PIPOX: variants seen among roughly 807,000 people sequenced by gnomAD.
The protein encoded by PIPOX is pipecolic acid and sarcosine oxidase, also known as peroxisomal sarcosine oxidase.
A neutral mutation model predicts 47.9 loss-of-function variants in PIPOX; 45 were observed. That is an observed-to-expected ratio of 0.94 (90% CI 0.74 to 1.20). PIPOX has a LOEUF of 1.20. Among genes scored for constraint, PIPOX ranks in the 50% most tolerant of loss-of-function variants. The pLI is 0.00. For missense variants in PIPOX, 458 were observed against 498.4 expected (o/e 0.92, Z 0.77); for synonymous variants, 165 against 191.3 (o/e 0.86, Z 1.13).
At chr17:29,055,315 A>G in intron 6 of PIPOX, 94 bp downstream of exon 6, 2 of 1,422,818 alleles carry the variant, frequency 1.4e-6, no homozygotes, top group Non-Finnish European at 2.0e-6. Flanking sequence ...CGATTGTTTG[A>G]CCCCTGACAT....
intron 2 of PIPOX, among the ~76,000 whole-genome samples, chr17:29,051,765 G>A (rs75641267): frequency 0.021 from 3,152 of 152,220 alleles, 99 homozygotes; most frequent in African/African-American, 0.071. Context: ...ACCATCTATC[G>A]GTGTTTCTGC....
intron 7 of PIPOX, 115 bp downstream of exon 7, chr17:29,056,003 T>C (rs2065826498): frequency 1.6e-6 from 2 of 1,271,592 alleles, no homozygotes; most frequent in Non-Finnish European, 1.1e-6. Flanking sequence ...CTGGACATTG[T>C]AGGTATAAGG....
At chr17:29,055,977 C>A in intron 7 of PIPOX, 89 bp downstream of exon 7, 1 of 1,357,118 alleles carries the variant, frequency 7.4e-7, no homozygotes, top group Non-Finnish European at 1.1e-6. Context: ...CTTAGCTGCC[C>A]AGATAGGTGT....
rs756763409 is a variant in PIPOX, at chr17:29,055,891, G to A, written c.1042+3G>A. ...TGTCATTGGTGCTGGATTCTCTGGTGAGTCTGAGCTGGGGGGAATGGGGTG... is the reference window on the plus strand; with the variant it reads ...TGTCATTGGTGCTGGATTCTCTGGTAAGTCTGAGCTGGGGGGAATGGGGTG... On this transcript the variant is annotated splice_donor_region_variant and intron_variant, in intron 7 of 7. Coordinates refer to ENST00000323372, the MANE Select transcript of PIPOX (RefSeq NM_016518.3). 1 of 1,613,766 alleles carries A rather than the reference G, an allele frequency of 6.2e-7. No homozygotes were observed. The highest frequency in any genetic ancestry group is 8.5e-7 in the Non-Finnish European group (1 of 1,179,654).
intron 4 of PIPOX, 72 bp downstream of exon 4, chr17:29,053,667 T>C: frequency 8.3e-7 from 1 of 1,210,692 alleles, no homozygotes; most frequent in Non-Finnish European, 1.2e-6. Context: ...CAAATTTGAG[T>C]CCTGGATCTG....
Position 29,043,183 on chromosome 17 carries a change from C to A in PIPOX, c.-43C>A. 2 of 1,483,528 alleles carry A rather than the reference C, an allele frequency of 1.3e-6. No homozygotes were observed. Among genetic ancestry groups the A allele is most frequent in the Non-Finnish European group, 1.9e-6 (2 of 1,067,946 alleles). 91.9% of individuals were successfully genotyped at this position (1,483,528 alleles called of 1,614,324 possible). A position where few individuals can be genotyped will look rare whatever the true frequency, so the allele number is the denominator to read the frequency against. On this transcript the variant is annotated 5_prime_UTR_variant, in exon 1 of 8. Transcript: ENST00000323372. ...TTAGCCGGGAGCCTGTCTTTGCTTG[C>A]CTTTGCCTTTGAGGCTCTGTGGCTG... is the stretch of plus-strand genomic sequence containing the variant.
intron 2 of PIPOX, 33 bp downstream of exon 2, chr17:29,045,040 G>T (rs368462283): frequency 1.5e-4 from 235 of 1,561,222 alleles, no homozygotes; most frequent in Non-Finnish European, 2.0e-4. Context: ...TGAATCGTGG[G>T]GCTCTGCACC....
At position 29,044,844 on chromosome 17, in the gene PIPOX, G is replaced by A. The variant is rs887682538; in HGVS notation, c.115-15G>A. ...GGTAATGGCTTCCATCATCTCTCTT[G>A]TTTTCCACTTCCAGTTCTTTCTACC... On this transcript the variant is annotated splice_polypyrimidine_tract_variant and intron_variant, in intron 1 of 7. Transcript: ENST00000323372. 1.9e-6 allele frequency: 3 copies of A among 1,604,766 alleles called. No homozygotes were observed.
intron 3 of PIPOX, 39 bp downstream of exon 3, chr17:29,053,172 T>C (rs755469449): frequency 1.9e-6 from 3 of 1,563,334 alleles, no homozygotes; most frequent in South Asian, 2.2e-5. Context: ...AGGTGCTCCC[T>C]GCTCTGGGTG....
At chr17:29,051,974 A>T in intron 2 of PIPOX, 1 of 471,114 alleles carries the variant, frequency 2.1e-6, no homozygotes, top group South Asian at 1.5e-5. Flanking sequence ...CAGTTGTTCA[A>T]CAGGCACGTT....
At chr17:29,048,586 G>A (rs2065793968) in intron 2 of PIPOX, among the ~76,000 whole-genome samples, 1 of 152,156 alleles carries the variant, frequency 6.6e-6, no homozygotes, top group Non-Finnish European at 1.5e-5. Flanking sequence ...TTCCTGCCCC[G>A]CCTTCTCCCT....
At chr17:29,048,958 G>C (rs2065795353) in intron 2 of PIPOX, among the ~76,000 whole-genome samples, 1 of 152,162 alleles carries the variant, frequency 6.6e-6, no homozygotes, top group South Asian at 2.1e-4. Flanking sequence ...CTTGGGATGG[G>C]AGATGGCAGG....
In PIPOX at chr17:29,044,919, TACCTGGAAGACTTTTAC is replaced by T. The variant is rs1345009546; in HGVS notation, c.179_195del (p.Leu60ProfsTer5). 6.2e-7 allele frequency: 1 copy of T among 1,614,040 alleles called. No homozygotes were observed. The highest frequency in any genetic ancestry group is 1.3e-5 in the African/African-American group (1 of 74,932). ...ACAAAGCCGGATAATCCGAAAGGCG[TACCTGGAAGACTTTTAC>T]ACCCGGATGATGCATGAGTGCTATC... On this transcript the variant is annotated frameshift_variant, in exon 2 of 8. Transcript: ENST00000323372. LOFTEE classifies it high-confidence loss of function.
At position 29,053,092 on chromosome 17, in the gene PIPOX, G is replaced by A. The variant is rs756585156; in HGVS notation, c.436G>A (p.Gly146Arg). 24 of 1,614,080 alleles carry A rather than the reference G, an allele frequency of 1.5e-5. No individual in the cohort carries two copies. The highest frequency in any genetic ancestry group is 1.6e-4 in the Middle Eastern group (1 of 6,082). Residue 146 changes from glycine to arginine, a missense_variant, in exon 3 of 8, where the codon GGA becomes AGA. Coordinates refer to ENST00000323372, the MANE Select transcript of PIPOX (RefSeq NM_016518.3). ...AGAAGTGGGGCTCTTGGACAATTCC[G>A]GAGGAGTTATCTATGCATATAAGGC... ...RGEVGLLDNS[G>R]GVIYAYKALR...
chr17:29,052,159 T>C (rs1018699625), intron 2 of PIPOX: 1 of 398,126 alleles, frequency 2.5e-6, no homozygotes, highest in African/African-American at 2.1e-5. Context: ...CAAACATATA[T>C]GACAAGAAAG....
Position 29,055,189 on chromosome 17 carries a change from G to C in PIPOX, c.934G>C (p.Glu312Gln), listed in dbSNP as rs776566383. 5 of 1,614,062 alleles carry C rather than the reference G, an allele frequency of 3.1e-6. No homozygotes were observed. Among genetic ancestry groups the C allele is most frequent in the East Asian group, 2.2e-5 (1 of 44,888 alleles). The change falls in exon 6 of 8, where the codon GAG becomes CAG. Residue 312 changes from glutamate to glutamine, a missense_variant. By Grantham distance (29) the Glu-to-Gln change is conservative. Coordinates refer to ENST00000323372, the MANE Select transcript of PIPOX (RefSeq NM_016518.3). ...AGATCACTTACCTGATCTGAAGCCCGAGCCTGCTGTCATTGAGAGCTGCAT... is the reference window on the plus strand; with the variant it reads ...AGATCACTTACCTGATCTGAAGCCCCAGCCTGCTGTCATTGAGAGCTGCAT... ...VRDHLPDLKP[E>Q]PAVIESCMYT...
At chr17:29,047,303 AAAAAG>A (rs533547780) in intron 2 of PIPOX, among the ~76,000 whole-genome samples, 13 of 152,146 alleles carry the variant, frequency 8.5e-5, no homozygotes, top group African/African-American at 1.9e-4. Context: ...TCAAAGAAAA[AAAAAG>A]AAAAGAAAAG....
chr17:29,044,742 GAAATATTTGAAGGAT>G, intron 1 of PIPOX, 102 bp from the exon 2 acceptor site: 1 of 1,078,908 alleles, frequency 9.3e-7, no homozygotes, highest in Non-Finnish European at 1.3e-6. Flanking sequence ...AGATTGTGTG[GAAATATTTGAAGGAT>G]AAATGGCTCC....
rs929287687 is a variant in PIPOX, at chr17:29,057,147, T to A, written c.*842T>A. On this transcript the variant is annotated 3_prime_UTR_variant, in exon 8 of 8. Transcript: ENST00000323372. ...AGCTAAGGCCAGCCTCCATCACAAATGCCCATAAAATCTGGCTCGTCTTTG... is the reference window on the plus strand; with the variant it reads ...AGCTAAGGCCAGCCTCCATCACAAAAGCCCATAAAATCTGGCTCGTCTTTG... The A allele has an allele frequency of 6.6e-6, 1 of 152,212 alleles. No homozygotes were observed. The allele number at this position is 152,212 out of a possible 1,614,324, so 9.4% of individuals were successfully genotyped here.
Sources: allele counts gnomAD v4.1 joint callset (sites outside exome capture counted in the v4.1 genomes callset), GRCh38; gene constraint gnomAD v4.1.1; transcripts MANE v1.5; gene names NCBI Gene and HGNC (gene_info 2026-07-23, HGNC 2026-07-21).